GPR158: variants seen among roughly 807,000 people sequenced by gnomAD.
The protein encoded by GPR158 is metabotropic glycine receptor.
GPR158 carries 30 observed loss-of-function variants against 78.2 expected under a neutral mutation model. The ratio of observed to expected loss-of-function variants is 0.38; its 90% CI spans 0.29 to 0.52. The LOEUF (loss-of-function observed/expected upper bound fraction) is 0.52. Among genes scored for constraint, GPR158 ranks in the 20% least tolerant of loss-of-function variants. The pLI is 0.83. For missense variants in GPR158, 1,463 were observed against 1,523.5 expected (o/e 0.96, Z 0.66); for synonymous variants, 581 against 591.1 (o/e 0.98, Z 0.25).
chr10:25,598,321 T>C lies in GPR158; in HGVS notation c.2695T>C (p.Leu899=). ...KKTGHPRTSM[L]QKSLSVIASA... is the part of the protein sequence containing the mutation. ...AACTGGGCACCCACGAACATCGATG[T>C]TACAGAAGTCTCTCAGTGTCATAGC... is the stretch of plus-strand genomic sequence containing the variant. The change falls in exon 11 of 11, where the codon TTA becomes CTA. Residue 899 remains leucine, a synonymous_variant. Transcript: ENST00000376351. The C allele has an allele frequency of 6.2e-7, 1 of 1,614,026 alleles. No individual in the cohort carries two copies. The highest frequency in any genetic ancestry group is 1.3e-5 in the African/African-American group (1 of 74,982).
intron 2 of GPR158, among the ~76,000 whole-genome samples, chr10:25,338,462 ACG>A (rs1564426195): frequency 5.6e-5 from 7 of 125,574 alleles, no homozygotes; most frequent in Non-Finnish European, 1.2e-4. Context: ...TATATATATT[ACG>A]TATATTATAC....
At chr10:25,485,319 C>T (rs1246738728) in intron 5 of GPR158, among the ~76,000 whole-genome samples, 1 of 151,028 alleles carries the variant, frequency 6.6e-6, no homozygotes, top group Non-Finnish European at 1.5e-5. Context: ...TCTAAAGAGT[C>T]ACAGTTCAAT....
chr10:25,257,772 A>G (rs1853910252), intron 2 of GPR158, among the ~76,000 whole-genome samples: 1 of 152,148 alleles, frequency 6.6e-6, no homozygotes, highest in African/African-American at 2.4e-5. Flanking sequence ...AGTTTTGGCT[A>G]TACTTTGCGA....
intron 4 of GPR158, among the ~76,000 whole-genome samples, chr10:25,445,682 T>C (rs80064253): frequency 0.012 from 1,872 of 151,896 alleles, 37 homozygotes; most frequent in African/African-American, 0.042. Context: ...AAGGGGGTAA[T>C]TTCCAAAGAC....
chr10:25,551,037 T>G lies in GPR158; in HGVS notation c.1466T>G (p.Leu489Arg). The change falls in exon 6 of 11, where the codon CTT (leucine) becomes CGT (arginine). Residue 489 changes from leucine to arginine, a missense_variant. By Grantham distance (102) the Leu-to-Arg change is moderately radical. Transcript: ENST00000376351. Reference protein sequence around the residue: ...FRCILLRWARLLGFATVYGTV... With the variant: ...FRCILLRWARRLGFATVYGTV... ...TGTATTCTCCTAAGATGGGCTCGTCTTCTCGGTTTTGCTACTGTTTACGGA... is the reference window on the plus strand; with the variant it reads ...TGTATTCTCCTAAGATGGGCTCGTCGTCTCGGTTTTGCTACTGTTTACGGA... 1 of 1,611,106 alleles carries G rather than the reference T, an allele frequency of 6.2e-7. No individual in the cohort carries two copies. Among genetic ancestry groups the G allele is most frequent in the East Asian group, 2.2e-5 (1 of 44,838 alleles).
At chr10:25,471,213 G>GT (rs1186803638) in intron 5 of GPR158, among the ~76,000 whole-genome samples, 3 of 151,288 alleles carry the variant, frequency 2.0e-5, no homozygotes, top group Non-Finnish European at 4.4e-5. Flanking sequence ...GTGGTGTTTG[G>GT]TTTTTTGTCC....
rs114492449 is a variant in GPR158, at chr10:25,176,972, C to T, written c.902+650C>T. On this transcript the variant is annotated intron_variant, in intron 1 of 10. Transcript: ENST00000376351. This position sits in a 1 kb window ranked among gnomAD's most constrained non-coding sequence, Gnocchi z 6.3. ...CAGGGTGCTCCTTCTACCGGTCTCC[C>T]CTCTCCCCGCAATTGATCTTTCCTT... Among the ~76,000 whole-genome samples, 1,023 of 152,266 alleles carry T rather than the reference C, an allele frequency of 6.7e-3. 17 individuals carry two copies. The highest frequency in any genetic ancestry group is 0.024 in the African/African-American group (977 of 41,550).
chr10:25,292,986 A>G (rs995097950), intron 2 of GPR158, among the ~76,000 whole-genome samples: 34 of 152,192 alleles, frequency 2.2e-4, no homozygotes, highest in East Asian at 1.9e-4. Context: ...TTTTCCCACC[A>G]TGAAATAAAT....
intron 6 of GPR158, among the ~76,000 whole-genome samples, chr10:25,561,137 A>G (rs1257750338): frequency 3.9e-5 from 6 of 152,220 alleles, no homozygotes; most frequent in African/African-American, 1.2e-4. Flanking sequence ...TTGAGACTGT[A>G]GTAAAATTGC....
At chr10:25,356,734 T>C (rs1855560301) in intron 2 of GPR158, among the ~76,000 whole-genome samples, 1 of 152,108 alleles carries the variant, frequency 6.6e-6, no homozygotes, top group Middle Eastern at 3.2e-3. Context: ...TAAACCTCTT[T>C]CTTTTGTAAA....
intron 5 of GPR158, among the ~76,000 whole-genome samples, chr10:25,511,173 G>A (rs1034826271): frequency 2.6e-5 from 4 of 152,136 alleles, no homozygotes; most frequent in African/African-American, 4.8e-5. Context: ...CAGTGTAGAA[G>A]TGTTCCCTTT....
rs878947773 is a variant in GPR158, at chr10:25,601,341, ATTTCT to A, written c.*2071_*2075del. On this transcript the variant is annotated 3_prime_UTR_variant, in exon 11 of 11. Coordinates refer to ENST00000376351, the MANE Select transcript of GPR158 (RefSeq NM_020752.3). ...CTATTTTTGTGTCTTTACACCATTT[ATTTCT>A]TTTATCTCTTCCTTTTCAATGAAGG... 5.9e-5 allele frequency: 9 copies of A among 152,546 alleles called. No homozygotes were observed. The South Asian group carries it at 1.9e-3, about 32-fold the overall frequency. The allele number at this position is 152,546 out of a possible 1,614,324, so 9.4% of individuals were successfully genotyped here.
chr10:25,454,666 C>A (rs941457748), intron 4 of GPR158, among the ~76,000 whole-genome samples: 1 of 152,148 alleles, frequency 6.6e-6, no homozygotes, highest in African/African-American at 2.4e-5. Context: ...TCCACCCACC[C>A]TGTCTGCCTC....
intron 5 of GPR158, among the ~76,000 whole-genome samples, chr10:25,514,473 A>T (rs1836133739): frequency 6.6e-6 from 1 of 152,094 alleles, no homozygotes; most frequent in African/African-American, 2.4e-5. Context: ...CCATTCTGCC[A>T]TTCTTCTTAG....
intron 2 of GPR158, among the ~76,000 whole-genome samples, chr10:25,378,553 T>G (rs1192432332): frequency 6.6e-6 from 1 of 151,988 alleles, no homozygotes; most frequent in Non-Finnish European, 1.5e-5. Flanking sequence ...TTATGTTATT[T>G]GGTTTTAATA....
intron 5 of GPR158, among the ~76,000 whole-genome samples, chr10:25,479,809 T>A (rs993999610): frequency 2.0e-5 from 3 of 152,174 alleles, no homozygotes; most frequent in Non-Finnish European, 2.9e-5. Flanking sequence ...TTTAAAAAAA[T>A]TATCTTTATT....
intron 4 of GPR158, among the ~76,000 whole-genome samples, chr10:25,423,471 T>C (rs1247121244): frequency 2.0e-5 from 3 of 152,044 alleles, no homozygotes; most frequent in Admixed American, 6.6e-5. Context: ...ATGTGCCATG[T>C]TGGATTGCTG....
chr10:25,543,989 T>C (rs757264333), intron 5 of GPR158, among the ~76,000 whole-genome samples: 2 of 152,172 alleles, frequency 1.3e-5, no homozygotes, highest in Non-Finnish European at 1.5e-5. Context: ...TATAGTGAGT[T>C]CCCAAGAGGC....
intron 5 of GPR158, among the ~76,000 whole-genome samples, chr10:25,514,537 A>T (rs1368457962): frequency 6.6e-6 from 1 of 152,136 alleles, no homozygotes; most frequent in Non-Finnish European, 1.5e-5. Flanking sequence ...TTGAGATGTG[A>T]AGTACTATTC....
Sources: allele counts gnomAD v4.1 joint callset (sites outside exome capture counted in the v4.1 genomes callset), GRCh38; gene constraint gnomAD v4.1.1; non-coding constraint Gnocchi (gnomAD v3.1); transcripts MANE v1.5; gene names NCBI Gene and HGNC (gene_info 2026-07-23, HGNC 2026-07-21).